GAK: variants seen among roughly 807,000 people sequenced by gnomAD.
GAK encodes cyclin G associated kinase.
Under a neutral mutation model 143.9 loss-of-function variants are expected in GAK, and 79 were observed. The ratio of observed to expected loss-of-function variants is 0.55; its 90% CI spans 0.46 to 0.66. The LOEUF is 0.66. Among genes scored for constraint, GAK ranks in the 30% least tolerant of loss-of-function variants. The pLI, the probability that GAK is intolerant of heterozygous loss-of-function variation, is 0.00. For synonymous variants in GAK, 881 were observed against 765.5 expected (o/e 1.15, Z -2.49); for missense variants, 1,693 against 1,779.7 (o/e 0.95, Z 0.88).
chr4:880,305 C>T (rs958370118), intron 15 of GAK, among the ~76,000 whole-genome samples: 4 of 152,240 alleles, frequency 2.6e-5, no homozygotes, highest in Admixed American at 2.0e-4. Flanking sequence ...GGTCCTCTTT[C>T]CACGGCTCTG....
At chr4:897,934 C>T (rs755585205) in intron 6 of GAK, 99 bp downstream of exon 6, 389 of 1,357,500 alleles carry the variant, frequency 2.9e-4, no homozygotes, top group Middle Eastern at 5.3e-4. Context: ...GGTGACAGAG[C>T]GAGACTCAAA....
At position 931,980 on chromosome 4, in the gene GAK, GCC is replaced by G. The variant is rs987424275; in HGVS notation, c.145+61_145+62del. 3 of 1,209,176 alleles carry G rather than the reference GCC, an allele frequency of 2.5e-6. No individual in the cohort carries two copies. The African/African-American group carries it at 4.6e-5, about 18-fold the overall frequency. The allele number at this position is 1,209,176 out of a possible 1,614,324, so 74.9% of individuals were successfully genotyped here. On this transcript the variant is annotated intron_variant, in intron 1 of 27. Transcript: ENST00000314167. ...CGCCCTTCCACTCCGGGCTGACGCT[GCC>G]CCCAGCGTCCCGGAGACAACACTCC...
At chr4:901,660 C>A (rs1243826474) in intron 5 of GAK, among the ~76,000 whole-genome samples, 1 of 152,204 alleles carries the variant, frequency 6.6e-6, no homozygotes, top group Admixed American at 6.5e-5. Context: ...GCAGCTGAGG[C>A]GGGTGCTGGG....
intron 4 of GAK, among the ~76,000 whole-genome samples, chr4:907,970 A>G (rs1274493730): frequency 6.6e-6 from 1 of 152,120 alleles, no homozygotes. Flanking sequence ...GTCAGCGATG[A>G]GCCGCTGGCC....
chr4:850,947 G>C lies in GAK; in HGVS notation c.3646C>G (p.Leu1216Val), dbSNP rs1045041912. 2.3e-5 allele frequency: 37 copies of C among 1,613,270 alleles called. No individual in the cohort carries two copies. Among genetic ancestry groups the C allele is most frequent in the Non-Finnish European group, 2.8e-5 (33 of 1,179,628 alleles). The change falls in exon 26 of 28, where the codon CTC becomes GTC. Residue 1216 changes from leucine to valine, a missense_variant. By Grantham distance (32) the Leu-to-Val change is conservative (BLOSUM62 1). Transcript: ENST00000314167. The stretch of plus-strand genomic sequence containing the variant: ...GCCCACCCACCCACCTTCAGCTTGA[G>C]TGGGTCCGTGTCTTTAGCCAGGTCC... ...KQDLAKDTDP[L>V]KLKLLDWIEG...
rs755250279 is a variant in GAK, at chr4:881,889, C to A, written c.1661+18G>T. 3 of 1,563,758 alleles carry A rather than the reference C, an allele frequency of 1.9e-6. No individual in the cohort carries two copies. In the East Asian group the frequency reaches 7.0e-5, roughly 37 times the overall value. On this transcript the variant is annotated intron_variant, in intron 15 of 27. Transcript: ENST00000314167. Reference sequence around the variant, plus strand: ...GGCCCACAGAGCTGTCCCCTGTCCCCGGAGGGCCACGCAGTACCTTTTGTG... The same window carrying A: ...GGCCCACAGAGCTGTCCCCTGTCCCAGGAGGGCCACGCAGTACCTTTTGTG...
chr4:852,690 C>A (rs1012176635), intron 24 of GAK: 1 of 152,650 alleles, frequency 6.6e-6, no homozygotes, highest in Non-Finnish European at 1.5e-5. Flanking sequence ...GATCTGCCCA[C>A]CTCGGCCTCC....
chr4:914,476 AC>A (rs1722686877), intron 1 of GAK, among the ~76,000 whole-genome samples: 1 of 42,028 alleles, frequency 2.4e-5, no homozygotes, highest in Non-Finnish European at 4.2e-5. Context: ...GCACGGCCCC[AC>A]ACACACACAG....
chr4:883,836 C>T (rs1183184789), intron 12 of GAK, among the ~76,000 whole-genome samples: 1 of 152,220 alleles, frequency 6.6e-6, no homozygotes, highest in Non-Finnish European at 1.5e-5. Flanking sequence ...GCCAGGCTGG[C>T]GCTGACCCTG....
At chr4:855,208 C>T (rs774456034) in intron 24 of GAK, among the ~76,000 whole-genome samples, 3 of 152,128 alleles carry the variant, frequency 2.0e-5, no homozygotes, top group African/African-American at 4.8e-5. Flanking sequence ...GCCTCCAGGC[C>T]GTGAGTGCAG....
chr4:881,768 G>T, intron 15 of GAK, 139 bp downstream of exon 15: 1 of 1,077,918 alleles, frequency 9.3e-7, no homozygotes, highest in Non-Finnish European at 1.3e-6. Context: ...CTCAGCCATG[G>T]CTCCGCGAGG....
intron 16 of GAK, 91 bp downstream of exon 16, chr4:877,524 C>T: frequency 3.7e-6 from 5 of 1,357,066 alleles, no homozygotes; most frequent in Non-Finnish European, 5.0e-6. Flanking sequence ...TCAGCAAGCG[C>T]CTGTCCCCGG....
intron 15 of GAK, among the ~76,000 whole-genome samples, chr4:878,336 T>C (rs1393207384): frequency 6.6e-6 from 1 of 151,298 alleles, no homozygotes; most frequent in Non-Finnish European, 1.5e-5. Context: ...ATTTAGAGAG[T>C]TTTCCAGATA....
chr4:851,814 G>C lies in GAK; in HGVS notation c.3444C>G (p.Asn1148Lys). Residue 1148 changes from asparagine to lysine, a missense_variant, in exon 25 of 28, where the codon AAC becomes AAG. Asn to Lys is a moderately conservative substitution (Grantham distance 94). This residue lies in a region of GAK where 822 missense variants were observed against 788.7 expected (regional missense o/e 1.04). Coordinates refer to ENST00000314167, the MANE Select transcript of GAK (RefSeq NM_005255.4). ...PPKACTQPRPNYASNFSVIGA... is the reference protein window; with the variant it reads ...PPKACTQPRPKYASNFSVIGA... ...CGATCACACTGAAGTTCGAGGCATA[G>C]TTAGGCCTTGGCTGTGTGCAGGCTT... is the stretch of plus-strand genomic sequence containing the variant. 6.2e-7 allele frequency: 1 copy of C among 1,612,424 alleles called. No individual in the cohort carries two copies. Among genetic ancestry groups the C allele is most frequent in the African/African-American group, 1.3e-5 (1 of 75,058 alleles).
rs765873348 is a variant in GAK at position 877,809 on chromosome 4, C to T, written c.1662G>A (p.Arg554=). ...CCATGTCACACATGTACTCGATGTA[C>T]CTGGGGGCAGACGTGCCGCGTCACC... ...CPPGIWPSHK[R]YIEYMCDMVA... Residue 554 remains arginine, a splice_region_variant and synonymous_variant, in exon 16 of 28, where the codon AGG becomes AGA. Coordinates refer to ENST00000314167, the MANE Select transcript of GAK (RefSeq NM_005255.4). The T allele has an allele frequency of 3.2e-6, 5 of 1,581,872 alleles. No homozygotes were observed. Among genetic ancestry groups the T allele is most frequent in the Admixed American group, 1.8e-5 (1 of 55,468 alleles).
chr4:867,071 C>T lies in GAK; in HGVS notation c.2757G>A (p.Glu919=). 1 of 1,537,462 alleles carries T rather than the reference C, an allele frequency of 6.5e-7. No homozygotes were observed. The highest frequency in any genetic ancestry group is 8.8e-7 in the Non-Finnish European group (1 of 1,142,020). The change falls in exon 21 of 28, where the codon GAG becomes GAA. Residue 919 remains glutamate (E), a synonymous_variant. Transcript: ENST00000314167. ...DLLSCLLGPP[E]AASQGPPEDL... is the part of the protein sequence containing the mutation. ...CCTCCGGGGGCCCCTGGGAGGCGGC[C>T]TCAGGGGGCCCAAGGAGGCAGCTGA... is the stretch of plus-strand genomic sequence containing the variant.
intron 1 of GAK, among the ~76,000 whole-genome samples, chr4:929,072 T>C (rs1442853987): frequency 6.6e-6 from 1 of 152,132 alleles, no homozygotes; most frequent in African/African-American, 2.4e-5. Context: ...CAGAACATTC[T>C]AAGTAAGTGA....
chr4:860,479 A>C (rs1326821916), intron 23 of GAK, among the ~76,000 whole-genome samples: 1 of 152,234 alleles, frequency 6.6e-6, no homozygotes, highest in East Asian at 1.9e-4. Flanking sequence ...CCAAAAAATA[A>C]GCAAAGAACA....
At chr4:855,157 G>A (rs1400602212) in intron 24 of GAK, among the ~76,000 whole-genome samples, 2 of 152,168 alleles carry the variant, frequency 1.3e-5, no homozygotes, top group African/African-American at 4.8e-5. Context: ...AACTGCGTTA[G>A]GCTACAGATG....
Sources: gnomAD v4.1 joint callset for allele counts (sites outside exome capture counted in the v4.1 genomes callset) on GRCh38, gnomAD v4.1.1 for gene constraint, gnomAD v4.1.1 regional missense constraint, MANE v1.5 for transcripts, NCBI Gene and HGNC (gene_info 2026-07-23, HGNC 2026-07-21) for gene names.